Variants in ANO7 observed in about 807,000 individuals in gnomAD.
The protein encoded by ANO7 is anoctamin 7, also known as anoctamin-7.
In ANO7, 114 loss-of-function variants were observed where a neutral mutation model predicts 115.8. That is an observed-to-expected ratio of 0.98 (90% CI 0.85 to 1.15). The LOEUF is 1.15. Among genes scored for constraint, ANO7 ranks in the 50% most tolerant of loss-of-function variants. The probability of loss-of-function intolerance (pLI) is 0.00; values close to 1 mark genes in which losing one functional copy is unlikely to be tolerated. For missense variants in ANO7, 1,302 were observed against 1,201.2 expected (o/e 1.08, Z -1.24); for synonymous variants, 550 against 498.2 (o/e 1.10, Z -1.38).
At position 241,217,462 on chromosome 2, in the gene ANO7, C is replaced by T. The variant is rs567753342; in HGVS notation, c.1973-224C>T. On this transcript the variant is annotated intron_variant, in intron 19 of 24. Transcript: ENST00000674324. ...CGAGCCGGAGAAGGCCCGTGACCAGCCAGAAGCACGGAGCGCAGGGCAGGA... is the reference window on the plus strand; with the variant it reads ...CGAGCCGGAGAAGGCCCGTGACCAGTCAGAAGCACGGAGCGCAGGGCAGGA... 2.7e-3 allele frequency among the ~76,000 whole-genome samples: 410 copies of T among 152,380 alleles called. 8 individuals carry two copies. In the South Asian group the frequency reaches 0.055, roughly 20 times the overall value.
chr2:241,234,463 A>G, the ANO7 span, among the ~76,000 whole-genome samples: 1 of 152,198 alleles, frequency 6.6e-6, no homozygotes. Context: ...CACTGACACC[A>G]TGTGAGGTTC....
At chr2:241,217,567 G>A in intron 19 of ANO7, 119 bp from the exon 20 acceptor site, 2 of 1,190,706 alleles carry the variant, frequency 1.7e-6, no homozygotes, top group Non-Finnish European at 2.3e-6. Context: ...GGTGGGGGCG[G>A]AATGAGCCGC....
In ANO7 at chr2:241,217,877, G is replaced by A; in HGVS notation, c.2164G>A (p.Ala722Thr). Residue 722 changes from alanine (A) to threonine (T), a missense_variant, in exon 20 of 25, where the codon GCG (alanine) becomes ACG (threonine). Ala to Thr is a moderately conservative substitution (Grantham distance 58, BLOSUM62 0). Transcript: ENST00000674324. The stretch of plus-strand genomic sequence containing the variant: ...CATCCTGGCGGGCCTCACGCACCTG[G>A]CGGTCATCAGCAACGTGAGGCCCGG... ...FHILAGLTHL[A>T]VISNAFLLAF... The A allele has an allele frequency of 1.3e-6, 2 of 1,589,558 alleles. No individual in the cohort carries two copies. The highest frequency in any genetic ancestry group is 1.7e-6 in the Non-Finnish European group (2 of 1,173,212).
intron 21 of ANO7, 143 bp downstream of exon 21, chr2:241,218,524 GC>G: frequency 1.5e-6 from 1 of 686,758 alleles, no homozygotes; most frequent in Non-Finnish European, 2.0e-6. Flanking sequence ...GGAGCTGGGG[GC>G]GCCGTGGGCA....
At chr2:241,214,658 G>A in intron 17 of ANO7, 147 bp from the exon 18 acceptor site, 1 of 661,472 alleles carries the variant, frequency 1.5e-6, no homozygotes, top group Non-Finnish European at 2.6e-6. Flanking sequence ...GTGTTATGGT[G>A]GGAGCATCTC....
intron 7 of ANO7, among the ~76,000 whole-genome samples, chr2:241,201,839 G>GATGA (rs1553627126): frequency 6.6e-6 from 1 of 151,760 alleles, no homozygotes; most frequent in African/African-American, 2.4e-5. Flanking sequence ...CCTGGACACA[G>GATGA]CTGCCAGGCT....
At chr2:241,214,742 A>T (rs1559453199) in intron 17 of ANO7, 63 bp from the exon 18 acceptor site, 2 of 1,481,544 alleles carry the variant, frequency 1.3e-6, no homozygotes, top group Non-Finnish European at 9.3e-7. Flanking sequence ...TTGAGACAAG[A>T]AGGGATGCGT....
intron 17 of ANO7, among the ~76,000 whole-genome samples, chr2:241,213,136 G>A (rs2068752814): frequency 2.0e-5 from 3 of 151,734 alleles, no homozygotes; most frequent in Non-Finnish European, 4.4e-5. Flanking sequence ...CCTCCTCATG[G>A]CACACGGCCC....
chr2:241,199,244 G>A (rs375513193), intron 4 of ANO7, 72 bp from the exon 5 acceptor site: 769 of 1,321,792 alleles, frequency 5.8e-4, no homozygotes, highest in Admixed American at 1.7e-3. Flanking sequence ...CTAAGAGTGC[G>A]AATGGACACA....
intron 3 of ANO7, among the ~76,000 whole-genome samples, chr2:241,193,710 G>A (rs1295934651): frequency 6.6e-6 from 1 of 152,016 alleles, no homozygotes; most frequent in Non-Finnish European, 1.5e-5. Context: ...AAATCCATTT[G>A]GCCTGGTATT....
intron 9 of ANO7, 129 bp from the exon 10 acceptor site, chr2:241,204,736 C>T (rs2068549997): frequency 3.0e-6 from 2 of 658,182 alleles, no homozygotes; most frequent in Non-Finnish European, 5.3e-6. Context: ...TTGGCCTCCT[C>T]ACATAGGGCC....
intron 17 of ANO7, among the ~76,000 whole-genome samples, chr2:241,213,737 C>T (rs1206153406): frequency 6.6e-6 from 1 of 152,192 alleles, no homozygotes; most frequent in Non-Finnish European, 1.5e-5. Context: ...TGCTGAGTGA[C>T]CCCTGGCCTG....
In ANO7 at chr2:241,217,814, G is replaced by A. The variant is rs1315539969; in HGVS notation, c.2101G>A (p.Val701Met). The A allele has an allele frequency of 5.6e-6, 9 of 1,609,932 alleles. No homozygotes were observed. The Admixed American group carries it at 1.3e-4, about 24-fold the overall frequency. ...RKFVCEYRRP[V>M]AERAQDIGIW... ...GTTCGTCTGCGAGTACCGGCGCCCG[G>A]TGGCCGAGCGCGCCCAGGACATCGG... is the stretch of plus-strand genomic sequence containing the variant. Residue 701 changes from valine (V) to methionine (M), a missense_variant, in exon 20 of 25, where the codon GTG becomes ATG. Physicochemically the swap from Val to Met is conservative, Grantham distance 21. Coordinates refer to ENST00000674324, the MANE Select transcript of ANO7 (RefSeq NM_001370694.2).
intron 3 of ANO7, among the ~76,000 whole-genome samples, chr2:241,194,825 T>C (rs1233989073): frequency 6.6e-6 from 1 of 152,216 alleles, no homozygotes; most frequent in African/African-American, 2.4e-5. Context: ...TATATATAGG[T>C]TTGTTACTCT....
At chr2:241,197,651 CTTT>C (rs397869408) in intron 4 of ANO7, among the ~76,000 whole-genome samples, 22 of 135,020 alleles carry the variant, frequency 1.6e-4, no homozygotes, top group African/African-American at 1.7e-4. Context: ...GTCACCTGCC[CTTT>C]TTTTTTTTTT....
chr2:241,208,543 G>A (rs973454944), intron 11 of ANO7, among the ~76,000 whole-genome samples: 1 of 152,088 alleles, frequency 6.6e-6, no homozygotes, highest in South Asian at 2.1e-4. Flanking sequence ...ATCTACAAAG[G>A]CCCTTATTCA....
chr2:241,222,626 A>G (rs1269572346), intron 21 of ANO7, among the ~76,000 whole-genome samples: 1 of 152,060 alleles, frequency 6.6e-6, no homozygotes, highest in African/African-American at 2.4e-5. Flanking sequence ...GACCCTGGTA[A>G]TAGTTTTCAT....
the ANO7 span, chr2:241,236,445 C>T: frequency 5.9e-6 from 4 of 678,946 alleles, no homozygotes; most frequent in East Asian, 1.0e-4. Context: ...TCCCCAAACT[C>T]TGTGTCCAGC....
the ANO7 span, chr2:241,230,979 C>T: frequency 6.3e-7 from 1 of 1,583,554 alleles, no homozygotes; most frequent in Non-Finnish European, 8.7e-7. This position sits in a 1 kb window ranked among gnomAD's most constrained non-coding sequence, Gnocchi z 5.0. Context: ...AAAGGGGATG[C>T]CTTACTGGGA....
Sources: gnomAD v4.1 joint callset for allele counts (sites outside exome capture counted in the v4.1 genomes callset) on GRCh38, gnomAD v4.1.1 for gene constraint, Gnocchi (gnomAD v3.1) non-coding constraint, MANE v1.5 for transcripts, NCBI Gene and HGNC (gene_info 2026-07-23, HGNC 2026-07-21) for gene names.